The following SUGCT variants were observed in gnomAD, a reference collection of about 807,000 sequenced individuals.
SUGCT encodes the protein succinyl-CoA:glutarate CoA-transferase.
SUGCT carries 41 observed loss-of-function variants against 55.0 expected under a neutral mutation model. The observed-to-expected ratio is 0.74, with a 90% CI of 0.58 to 0.97. SUGCT has a LOEUF of 0.97. Ranked by LOEUF, SUGCT falls within the 50% of genes least tolerant of loss-of-function variation. The pLI, the probability that SUGCT is intolerant of heterozygous loss-of-function variation, is 0.00. For missense variants in SUGCT, 568 were observed against 547.8 expected (o/e 1.04, Z -0.37); for synonymous variants, 187 against 200.4 (o/e 0.93, Z 0.56).
At chr7:40,705,900 T>C (rs1785375307) in intron 12 of SUGCT, among the ~76,000 whole-genome samples, 1 of 152,166 alleles carries the variant, frequency 6.6e-6, no homozygotes, top group Admixed American at 6.5e-5. Flanking sequence ...TTCAGAGCCA[T>C]AAAACCGGGT....
chr7:40,606,373 C>T (rs576503355), intron 12 of SUGCT, among the ~76,000 whole-genome samples: 3 of 152,174 alleles, frequency 2.0e-5, no homozygotes, highest in East Asian at 3.9e-4. Context: ...GAAACTGAAG[C>T]GACCACGTGT....
rs1022455309 is a variant in SUGCT at position 40,250,835 on chromosome 7, T to C, written c.576+13109T>C. ...TGAAGTCATTTCACGCTTCTTTTTT[T>C]TTTTTTTTTTTTTTTTTTTAAGACG... On this transcript the variant is annotated intron_variant, in intron 7 of 13. Coordinates refer to ENST00000335693, the MANE Select transcript of SUGCT (RefSeq NM_001193313.2). Among the ~76,000 whole-genome samples the C allele has an allele frequency of 1.5e-3, 172 of 113,982 alleles. 6 individuals carry two copies. Among genetic ancestry groups the C allele is most frequent in the African/African-American group, 3.6e-3 (129 of 36,244 alleles). 74.8% of individuals were successfully genotyped at this position (113,982 alleles called of 152,430 possible).
the SUGCT span, among the ~76,000 whole-genome samples, chr7:41,030,401 T>C: frequency 6.6e-6 from 1 of 152,210 alleles, no homozygotes; most frequent in Non-Finnish European, 1.5e-5. Context: ...GGAGTTCATT[T>C]AACCCTTCTG....
At chr7:41,017,244 T>C in the SUGCT span, among the ~76,000 whole-genome samples, 2 of 152,178 alleles carry the variant, frequency 1.3e-5, no homozygotes, top group African/African-American at 4.8e-5. Context: ...ATTCTCATTA[T>C]CAAAGGGGCC....
chr7:40,826,994 A>G (rs777346221), intron 13 of SUGCT, among the ~76,000 whole-genome samples: 6 of 152,166 alleles, frequency 3.9e-5, no homozygotes, highest in Non-Finnish European at 8.8e-5. Context: ...CTCCAAATCC[A>G]CTAGATTTTT....
intron 9 of SUGCT, among the ~76,000 whole-genome samples, chr7:40,329,082 C>G (rs918720335): frequency 6.6e-6 from 1 of 152,158 alleles, no homozygotes; most frequent in Non-Finnish European, 1.5e-5. Context: ...TGTTTTGTTC[C>G]TAGGGGTGTC....
chr7:40,820,949 G>A (rs372197464), intron 13 of SUGCT, among the ~76,000 whole-genome samples: 1 of 152,074 alleles, frequency 6.6e-6, no homozygotes, highest in Non-Finnish European at 1.5e-5. Context: ...TCAATACCTA[G>A]TTTATTGAGA....
intron 12 of SUGCT, among the ~76,000 whole-genome samples, chr7:40,541,042 A>C (rs577638437): frequency 3.9e-5 from 6 of 152,294 alleles, no homozygotes; most frequent in Non-Finnish European, 7.4e-5. Flanking sequence ...ATGAAGGAAA[A>C]ATACCCTATA....
chr7:40,871,581 G>A, the SUGCT span, among the ~76,000 whole-genome samples: 1 of 152,152 alleles, frequency 6.6e-6, no homozygotes, highest in African/African-American at 2.4e-5. Flanking sequence ...TAGATAGTTT[G>A]TTATACAGTA....
the SUGCT span, among the ~76,000 whole-genome samples, chr7:40,876,156 C>G: frequency 6.6e-6 from 1 of 152,126 alleles, no homozygotes; most frequent in Non-Finnish European, 1.5e-5. Context: ...TTGTTTGTTT[C>G]CTTTTTTAAT....
the SUGCT span, among the ~76,000 whole-genome samples, chr7:40,945,424 C>T: frequency 1.3e-5 from 2 of 152,304 alleles, no homozygotes; most frequent in East Asian, 3.9e-4. Flanking sequence ...GGAGGGCACT[C>T]CTCCTGTGGA....
intron 13 of SUGCT, among the ~76,000 whole-genome samples, chr7:40,774,053 T>G (rs185704387): frequency 6.6e-6 from 1 of 152,196 alleles, no homozygotes; most frequent in South Asian, 2.1e-4. Flanking sequence ...AATTTTAGAA[T>G]CTCACAATAC....
At chr7:40,309,454 C>T (rs1373144633) in intron 8 of SUGCT, among the ~76,000 whole-genome samples, 2 of 152,138 alleles carry the variant, frequency 1.3e-5, no homozygotes, top group African/African-American at 4.8e-5. Context: ...ACCACCATGC[C>T]CAGCTAATTT....
chr7:40,757,067 T>C (rs1329808813), intron 13 of SUGCT, among the ~76,000 whole-genome samples: 1 of 152,156 alleles, frequency 6.6e-6, no homozygotes, highest in African/African-American at 2.4e-5. Context: ...AATCAATCAG[T>C]GTATTCTCAG....
chr7:40,833,223 G>A (rs1034509262), intron 13 of SUGCT, among the ~76,000 whole-genome samples: 1 of 152,152 alleles, frequency 6.6e-6, no homozygotes, highest in Non-Finnish European at 1.5e-5. Context: ...AACTCCACAT[G>A]TAGGAATGTT....
At chr7:40,792,925 GC>G (rs780940037) in intron 13 of SUGCT, among the ~76,000 whole-genome samples, 2 of 152,178 alleles carry the variant, frequency 1.3e-5, no homozygotes, top group Non-Finnish European at 2.9e-5. Context: ...AAATTCCTGT[GC>G]TGGAGATTCT....
chr7:40,987,369 G>T, the SUGCT span, among the ~76,000 whole-genome samples: 1 of 152,084 alleles, frequency 6.6e-6, no homozygotes, highest in Admixed American at 6.5e-5. Context: ...TTTAAAGCAG[G>T]GTTTTTGGAA....
chr7:40,232,977 G>A (rs978945464), intron 6 of SUGCT, among the ~76,000 whole-genome samples: 2 of 151,932 alleles, frequency 1.3e-5, no homozygotes, highest in Non-Finnish European at 2.9e-5. Context: ...TGGATCCCAG[G>A]CTTAACATTT....
intron 12 of SUGCT, among the ~76,000 whole-genome samples, chr7:40,702,814 C>T (rs1335291333): frequency 6.6e-6 from 1 of 152,122 alleles, no homozygotes; most frequent in Non-Finnish European, 1.5e-5. Context: ...AGTTTCTCAT[C>T]CCATGGGCCC....
Sources: gnomAD v4.1 joint callset for allele counts (sites outside exome capture counted in the v4.1 genomes callset) on GRCh38, gnomAD v4.1.1 for gene constraint, MANE v1.5 for transcripts, NCBI Gene and HGNC (gene_info 2026-07-23, HGNC 2026-07-21) for gene names.